Variants in HERC3 observed in about 807,000 individuals in gnomAD.
HERC3 encodes probable E3 ubiquitin-protein ligase HERC3.
In HERC3, 58 loss-of-function variants were observed where a neutral mutation model predicts 129.9. That is an observed-to-expected ratio of 0.45 (90% confidence interval 0.36 to 0.56). HERC3 has a LOEUF of 0.56. HERC3 is among the 20% of genes least tolerant of loss of function. The pLI is 0.00. For missense variants in HERC3, 835 were observed against 1,244.2 expected (o/e 0.67, Z 4.95); for synonymous variants, 430 against 451.0 (o/e 0.95, Z 0.59).
At chr4:88,669,134 T>C (rs1162152866) in intron 14 of HERC3, among the ~76,000 whole-genome samples, 1 of 152,172 alleles carries the variant, frequency 6.6e-6, no homozygotes, top group African/African-American at 2.4e-5. Context: ...TACCCCAAAG[T>C]AGAGAGTATG....
intron 1 of HERC3, among the ~76,000 whole-genome samples, chr4:88,594,719 T>C (rs1722151937): frequency 6.6e-6 from 1 of 152,192 alleles, no homozygotes; most frequent in Non-Finnish European, 1.5e-5. Flanking sequence ...GGAGGACTTT[T>C]TCTTTTGAGA....
At chr4:88,636,036 T>G (rs1267070932) in intron 3 of HERC3, among the ~76,000 whole-genome samples, 1 of 152,126 alleles carries the variant, frequency 6.6e-6, no homozygotes, top group Admixed American at 6.5e-5. Context: ...TACCAGCCAC[T>G]GCAAAGCACA....
intron 3 of HERC3, among the ~76,000 whole-genome samples, chr4:88,617,200 A>AAGAAATT (rs1725003723): frequency 6.9e-6 from 1 of 145,586 alleles, no homozygotes; most frequent in Admixed American, 6.8e-5. Flanking sequence ...AAAAAAAAAA[A>AAGAAATT]AGAAATTGAG....
In HERC3 at chr4:88,704,600, G is replaced by A. The variant is rs1258102528; in HGVS notation, c.2934G>A (p.Lys978=). 2 of 1,581,720 alleles carry A rather than the reference G, an allele frequency of 1.3e-6. No homozygotes were observed. The highest frequency in any genetic ancestry group is 1.7e-5 in the Admixed American group (1 of 59,968). ...TFHEFPLEKK[K]KFLLFLTGSD... ...ATGAGTTTCCATTGGAAAAGAAGAAGAAGTTTCTCTGTAAGTATCAGTAAT... is the reference window on the plus strand; with the variant it reads ...ATGAGTTTCCATTGGAAAAGAAGAAAAAGTTTCTCTGTAAGTATCAGTAAT... The change falls in exon 25 of 26, where the codon AAG becomes AAA. Residue 978 remains lysine (K), a synonymous_variant. Transcript: ENST00000402738.
chr4:88,657,331 A>G (rs1481228858), intron 9 of HERC3: 1 of 152,218 alleles, frequency 6.6e-6, no homozygotes, highest in East Asian at 1.9e-4. Flanking sequence ...CTTGTCACTC[A>G]GTAGACATTT....
Position 88,658,397 on chromosome 4 carries a change from G to C in HERC3, c.1070-18G>C, listed in dbSNP as rs1273394515. The C allele has an allele frequency of 2.0e-6, 3 of 1,502,422 alleles. No individual in the cohort carries two copies. In the East Asian group the frequency reaches 6.8e-5, roughly 34 times the overall value. The allele number at this position is 1,502,422 out of a possible 1,614,324, so 93.1% of individuals were successfully genotyped here. A position where few individuals can be genotyped will look rare whatever the true frequency, so the allele number is the denominator to read the frequency against. ...TCAATTAATGAAAAATATGCTTTCG[G>C]AATTTTTTTTTTGACAGATCGCTTT... On this transcript the variant is annotated intron_variant, in intron 9 of 25. Coordinates refer to ENST00000402738, the MANE Select transcript of HERC3 (RefSeq NM_014606.3).
the HERC3 span, among the ~76,000 whole-genome samples, chr4:88,563,659 CTTTT>C: frequency 7.2e-6 from 1 of 138,314 alleles, no homozygotes; most frequent in African/African-American, 2.6e-5. Context: ...ATGTTCCTTC[CTTTT>C]TTTTTTTTTT....
At chr4:88,556,846 T>C in the HERC3 span, among the ~76,000 whole-genome samples, 71 of 152,124 alleles carry the variant, frequency 4.7e-4, 1 homozygote, top group Non-Finnish European at 8.8e-5. Context: ...AGTCTCATTC[T>C]GTTGCCCAGG....
intron 3 of HERC3, among the ~76,000 whole-genome samples, chr4:88,643,808 A>C (rs1454815008): frequency 6.6e-6 from 1 of 152,212 alleles, no homozygotes; most frequent in Non-Finnish European, 1.5e-5. Context: ...AGCAGAGGAG[A>C]AATTCTTCAT....
chr4:88,642,061 G>T (rs1199781906), intron 3 of HERC3, among the ~76,000 whole-genome samples: 2 of 149,620 alleles, frequency 1.3e-5, no homozygotes, highest in South Asian at 2.1e-4. Context: ...AACCCAGGAG[G>T]TGGAGGTTGC....
intron 23 of HERC3, among the ~76,000 whole-genome samples, chr4:88,695,170 C>T (rs555947058): frequency 2.6e-5 from 4 of 152,066 alleles, no homozygotes; most frequent in South Asian, 2.1e-4. Flanking sequence ...TTGTATGTAA[C>T]GTATTATTCT....
intron 3 of HERC3, among the ~76,000 whole-genome samples, chr4:88,608,106 G>A (rs532936032): frequency 8.5e-5 from 13 of 152,188 alleles, no homozygotes; most frequent in African/African-American, 2.4e-4. Context: ...CTTCTCTCAC[G>A]TTTATTATTC....
intron 3 of HERC3, among the ~76,000 whole-genome samples, chr4:88,611,920 A>C (rs1258151520): frequency 2.0e-5 from 3 of 152,186 alleles, no homozygotes; most frequent in Non-Finnish European, 4.4e-5. Context: ...GGAGCCACAT[A>C]ATCTGACCTT....
chr4:88,536,865 C>G, the HERC3 span, among the ~76,000 whole-genome samples: 1 of 152,116 alleles, frequency 6.6e-6, no homozygotes, highest in Admixed American at 6.6e-5. Flanking sequence ...AAGGAGTACT[C>G]TATCAGAGCT....
At chr4:88,636,477 A>T (rs1305510376) in intron 3 of HERC3, among the ~76,000 whole-genome samples, 1 of 152,218 alleles carries the variant, frequency 6.6e-6, no homozygotes, top group Non-Finnish European at 1.5e-5. Flanking sequence ...CCAGTATGGG[A>T]GCACCCAGAT....
chr4:88,562,239 T>C, the HERC3 span, among the ~76,000 whole-genome samples: 1 of 152,240 alleles, frequency 6.6e-6, no homozygotes, highest in South Asian at 2.1e-4. Context: ...TGCATTTTTC[T>C]GGTGATCAGT....
intron 12 of HERC3, among the ~76,000 whole-genome samples, chr4:88,666,476 C>T (rs1396475242): frequency 6.6e-6 from 1 of 152,082 alleles, no homozygotes; most frequent in African/African-American, 2.4e-5. Flanking sequence ...ACCCAAAAAA[C>T]AAAGTACAAG....
chr4:88,630,755 G>A (rs975438265), intron 3 of HERC3, among the ~76,000 whole-genome samples: 1 of 152,116 alleles, frequency 6.6e-6, no homozygotes, highest in Admixed American at 6.5e-5. Flanking sequence ...ACCATGCAGG[G>A]GACCTCTCTG....
the HERC3 span, among the ~76,000 whole-genome samples, chr4:88,572,553 G>C: frequency 6.6e-6 from 1 of 152,190 alleles, no homozygotes; most frequent in South Asian, 2.1e-4. Flanking sequence ...GCTCACACCT[G>C]TAGTCCCAGC....
Sources: allele counts gnomAD v4.1 joint callset (sites outside exome capture counted in the v4.1 genomes callset), GRCh38; gene constraint gnomAD v4.1.1; transcripts MANE v1.5; gene names NCBI Gene and HGNC (gene_info 2026-07-23, HGNC 2026-07-21).